The following ZNF462 variants were observed in gnomAD, a reference collection of about 807,000 sequenced individuals.
ZNF462 encodes zinc finger PBX1-interacting protein.
ZNF462 carries 10 observed loss-of-function variants against 201.9 expected under a neutral mutation model. The observed-to-expected ratio is 0.05, with a 90% CI of 0.03 to 0.08. The LOEUF is 0.08. Ranked by LOEUF, ZNF462 falls within the 10% of genes least tolerant of loss-of-function variation. ZNF462 has a pLI of 1.00. For synonymous variants in ZNF462, 1,227 were observed against 1,193.3 expected (o/e 1.03, Z -0.58); for missense variants, 2,523 against 3,168.3 (o/e 0.80, Z 4.89).
rs745482743 is a variant in ZNF462, at chr9:106,984,417, C to T, written c.7056+8C>T. 1.9e-6 allele frequency: 3 copies of T among 1,605,526 alleles called. No homozygotes were observed. The highest frequency in any genetic ancestry group is 2.7e-5 in the African/African-American group (2 of 74,698). On this transcript the variant is annotated splice_region_variant and intron_variant, in intron 10 of 12. Coordinates refer to ENST00000277225, the MANE Select transcript of ZNF462 (RefSeq NM_021224.6). This position sits in a 1 kb window ranked among gnomAD's most constrained non-coding sequence, Gnocchi z 6.4. ...CTTCGGGATGAGCATAAGGTACTTA[C>T]CAGGACTTCCTGCTCCCGCCTCAGC...
chr9:107,000,061 CAGA>C (rs1204707595), intron 10 of ZNF462, among the ~76,000 whole-genome samples: 4 of 151,914 alleles, frequency 2.6e-5, no homozygotes, highest in Non-Finnish European at 2.9e-5. Flanking sequence ...GAAGGTCTCC[CAGA>C]AGAAGTGACA....
At chr9:106,961,304 G>A (rs1831827903) in intron 7 of ZNF462, among the ~76,000 whole-genome samples, 1 of 152,026 alleles carries the variant, frequency 6.6e-6, no homozygotes, top group Non-Finnish European at 1.5e-5. Flanking sequence ...TAATGCCTTT[G>A]GTTTCTTGAG....
intron 1 of ZNF462, among the ~76,000 whole-genome samples, chr9:106,892,719 CACACACAT>C (rs1828641108): frequency 6.6e-6 from 1 of 150,680 alleles, no homozygotes; most frequent in African/African-American, 2.5e-5. Flanking sequence ...CACACACACA[CACACACAT>C]GTTATGCATA....
chr9:106,955,646 C>T (rs1034365483), intron 7 of ZNF462, among the ~76,000 whole-genome samples: 4 of 152,134 alleles, frequency 2.6e-5, no homozygotes, highest in African/African-American at 7.2e-5. Flanking sequence ...TAGCATTTTA[C>T]CCACAGTAGA....
chr9:106,946,906 A>T (rs1030873235), intron 7 of ZNF462, among the ~76,000 whole-genome samples: 1 of 152,232 alleles, frequency 6.6e-6, no homozygotes, highest in Non-Finnish European at 1.5e-5. Context: ...TAAATTACAT[A>T]CATTCTGATT....
intron 1 of ZNF462, among the ~76,000 whole-genome samples, chr9:106,914,473 G>A (rs903655405): frequency 3.3e-5 from 5 of 152,208 alleles, no homozygotes; most frequent in African/African-American, 9.6e-5. Flanking sequence ...TAAAATTACC[G>A]CTCGTTGGGA....
At chr9:106,903,342 C>T (rs1829140573) in intron 1 of ZNF462, among the ~76,000 whole-genome samples, 2 of 151,992 alleles carry the variant, frequency 1.3e-5, no homozygotes. Flanking sequence ...ATTTTGTGGC[C>T]TATCATATGG....
intron 4 of ZNF462, chr9:106,931,159 G>A: frequency 6.4e-6 from 1 of 156,044 alleles, no homozygotes; most frequent in Non-Finnish European, 1.4e-5. Flanking sequence ...GGTCCTCTGG[G>A]GACTGCAAGA....
In ZNF462 at chr9:106,928,237, C is replaced by G. The variant is rs148206038; in HGVS notation, c.4325C>G (p.Ala1442Gly). ...SIPTPFPEQEAECPEDARLSP... is the reference protein window; with the variant it reads ...SIPTPFPEQEGECPEDARLSP... ...CCCACCCCTTTCCCGGAGCAGGAAG[C>G]TGAATGTCCAGAGGATGCAAGACTG... The change falls in exon 3 of 13, where the codon GCT (alanine) becomes GGT (glycine). Residue 1442 changes from alanine (A) to glycine (G), a missense_variant. Ala to Gly is a moderately conservative substitution (Grantham distance 60). Coordinates refer to ENST00000277225, the MANE Select transcript of ZNF462 (RefSeq NM_021224.6). This position sits in a 1 kb window ranked among gnomAD's most constrained non-coding sequence, Gnocchi z 9.3. 1.2e-6 allele frequency: 2 copies of G among 1,613,942 alleles called. No individual in the cohort carries two copies. The highest frequency in any genetic ancestry group is 3.3e-5 in the Admixed American group (2 of 60,000).
At chr9:106,869,606 T>C (rs918286222) in intron 1 of ZNF462, among the ~76,000 whole-genome samples, 2 of 152,242 alleles carry the variant, frequency 1.3e-5, no homozygotes, top group African/African-American at 4.8e-5. Flanking sequence ...TGTGGACTTC[T>C]GGCAGAAACA....
At chr9:106,903,156 A>G (rs1408275137) in intron 1 of ZNF462, among the ~76,000 whole-genome samples, 1 of 152,042 alleles carries the variant, frequency 6.6e-6, no homozygotes, top group Non-Finnish European at 1.5e-5. Context: ...AAGAATTTTT[A>G]AATTTCCATC....
intron 10 of ZNF462, among the ~76,000 whole-genome samples, chr9:106,997,018 C>T (rs540458541): frequency 6.6e-6 from 1 of 152,220 alleles, no homozygotes; most frequent in African/African-American, 2.4e-5. Flanking sequence ...GAGAGGAGCA[C>T]AGTGCACAAC....
At chr9:106,881,840 A>G (rs1482586820) in intron 1 of ZNF462, among the ~76,000 whole-genome samples, 3 of 152,130 alleles carry the variant, frequency 2.0e-5, no homozygotes, top group Non-Finnish European at 4.4e-5. Flanking sequence ...AAAGTACCTT[A>G]CCCTCTGTTT....
chr9:106,973,414 T>G (rs1236840788), intron 8 of ZNF462, among the ~76,000 whole-genome samples: 1 of 152,190 alleles, frequency 6.6e-6, no homozygotes. Flanking sequence ...CAGTTACTTT[T>G]CAGATAAATA....
intron 1 of ZNF462, among the ~76,000 whole-genome samples, chr9:106,892,804 A>G (rs1828645915): frequency 6.6e-6 from 1 of 152,134 alleles, no homozygotes; most frequent in African/African-American, 2.4e-5. Flanking sequence ...TTGCTAACCC[A>G]GAGACTTGAC....
At chr9:106,940,423 G>A (rs1018237532) in intron 7 of ZNF462, among the ~76,000 whole-genome samples, 8 of 152,148 alleles carry the variant, frequency 5.3e-5, no homozygotes, top group African/African-American at 1.9e-4. Context: ...AGCCCAACTT[G>A]TCAACATGGT....
At chr9:106,943,053 C>CGT (rs1178724774) in intron 7 of ZNF462, among the ~76,000 whole-genome samples, 11 of 138,116 alleles carry the variant, frequency 8.0e-5, no homozygotes, top group Admixed American at 5.0e-4. Context: ...TTTTGTTTTG[C>CGT]GCGCGCGTGT....
chr9:106,986,408 A>G (rs1379742320), intron 10 of ZNF462, among the ~76,000 whole-genome samples: 1 of 152,182 alleles, frequency 6.6e-6, no homozygotes, highest in African/African-American at 2.4e-5. Flanking sequence ...GGGAATTGTT[A>G]TACCTTTCTC....
In ZNF462 at chr9:106,966,704, A is replaced by G. The variant is rs58403995; in HGVS notation, c.6428-5301A>G. 0.035 allele frequency among the ~76,000 whole-genome samples: 5,258 copies of G among 152,178 alleles called. 199 individuals carry two copies. The highest frequency in any genetic ancestry group is 0.16 in the East Asian group (842 of 5,168). On this transcript the variant is annotated intron_variant, in intron 7 of 12. Transcript: ENST00000277225. This position sits in a 1 kb window ranked among gnomAD's most constrained non-coding sequence, Gnocchi z 4.4. ...CAGAACAGGGTCTCCTATTTACTTA[A>G]ATGCTCAGTAAATATTTGCTGAATG... is the stretch of plus-strand genomic sequence containing the variant.
Sources: allele counts gnomAD v4.1 joint callset (sites outside exome capture counted in the v4.1 genomes callset), GRCh38; gene constraint gnomAD v4.1.1; non-coding constraint Gnocchi (gnomAD v3.1); transcripts MANE v1.5; gene names NCBI Gene and HGNC (gene_info 2026-07-23, HGNC 2026-07-21).